DGKB: variants seen among roughly 807,000 people sequenced by gnomAD.
The protein encoded by DGKB is diacylglycerol kinase beta.
A neutral mutation model predicts 114.3 loss-of-function variants in DGKB; 67 were observed. That is an observed-to-expected ratio of 0.59 (90% CI 0.48 to 0.72). DGKB has a LOEUF of 0.72. Among genes scored for constraint, DGKB ranks in the 30% least tolerant of loss-of-function variants. DGKB has a pLI of 0.00. For synonymous variants in DGKB, 398 were observed against 323.1 expected, an observed-to-expected ratio of 1.23 and a Z score of -2.49; for missense variants, 907 against 975.2, an observed-to-expected ratio of 0.93 and a Z score of 0.93.
chr7:14,759,144 C>T (rs1030753781), intron 2 of DGKB, among the ~76,000 whole-genome samples: 1 of 152,104 alleles, frequency 6.6e-6, no homozygotes, highest in African/African-American at 2.4e-5. Context: ...AGGCTGGTGT[C>T]GAACCCCTGA....
chr7:14,784,522 C>T (rs570906690), intron 2 of DGKB, among the ~76,000 whole-genome samples: 48 of 151,940 alleles, frequency 3.2e-4, no homozygotes, highest in African/African-American at 1.1e-3. Flanking sequence ...TATAGGTGCA[C>T]ACCACCATGC....
intron 1 of DGKB, among the ~76,000 whole-genome samples, chr7:14,926,314 C>A (rs1230997425): frequency 6.6e-6 from 1 of 151,836 alleles, no homozygotes. Context: ...CATCTGTTGA[C>A]TTTCTTTTCT....
At chr7:14,581,265 G>T (rs1472289560) in intron 18 of DGKB, among the ~76,000 whole-genome samples, 1 of 152,094 alleles carries the variant, frequency 6.6e-6, no homozygotes, top group African/African-American at 2.4e-5. Context: ...AATCCTCAGG[G>T]ATATTATTAT....
At chr7:14,881,272 G>C (rs999699204) in intron 1 of DGKB, among the ~76,000 whole-genome samples, 3 of 152,104 alleles carry the variant, frequency 2.0e-5, no homozygotes, top group Admixed American at 6.6e-5. Context: ...TTGGCCATTA[G>C]AGTCACCTCT....
rs137935796 is a variant in DGKB at position 14,176,880 on chromosome 7, T to A, written c.2263A>T (p.Met755Leu). 1 of 1,613,778 alleles carries A rather than the reference T, an allele frequency of 6.2e-7. No individual in the cohort carries two copies. Among genetic ancestry groups the A allele is most frequent in the African/African-American group, 1.3e-5 (1 of 75,050 alleles). Residue 755 changes from methionine to leucine, a missense_variant, in exon 25 of 26, where the codon ATG becomes TTG. Met to Leu is a conservative substitution (Grantham distance 15). Transcript: ENST00000402815. ...ATCCATGGCTCCCCATCAATTTGCA[T>A]TGGCAGAGACTTGCTCGTCCTGGGG... The part of the protein sequence containing the change: ...VVIRTSKSLP[M>L]QIDGEPWMQT...
chr7:14,351,542 A>T (rs1813428853), intron 21 of DGKB, among the ~76,000 whole-genome samples: 1 of 152,196 alleles, frequency 6.6e-6, no homozygotes, highest in Non-Finnish European at 1.5e-5. Flanking sequence ...CTATGGCCAC[A>T]GGTATTTGTT....
intron 1 of DGKB, among the ~76,000 whole-genome samples, chr7:14,927,853 C>A (rs542359629): frequency 1.3e-5 from 2 of 151,848 alleles, no homozygotes; most frequent in East Asian, 3.9e-4. Flanking sequence ...TATTTATATG[C>A]AAAATCTGCT....
intron 6 of DGKB, among the ~76,000 whole-genome samples, chr7:14,714,729 T>C (rs1387722503): frequency 6.6e-6 from 1 of 152,114 alleles, no homozygotes; most frequent in Admixed American, 6.6e-5. Flanking sequence ...CCCAAAGAAT[T>C]ATATTTTTAT....
At chr7:14,922,512 A>T (rs186705722) in intron 1 of DGKB, among the ~76,000 whole-genome samples, 331 of 151,916 alleles carry the variant, frequency 2.2e-3, no homozygotes, top group Non-Finnish European at 3.5e-3. Flanking sequence ...GATGGTGGGT[A>T]TGGAGATTGA....
chr7:14,283,930 T>A (rs1031691404), intron 23 of DGKB, among the ~76,000 whole-genome samples: 13 of 151,934 alleles, frequency 8.6e-5, no homozygotes, highest in Non-Finnish European at 1.9e-4. Context: ...AACCTAGGCA[T>A]TACCATTCAG....
At chr7:14,676,329 T>C (rs1819850525) in intron 12 of DGKB, among the ~76,000 whole-genome samples, 1 of 152,064 alleles carries the variant, frequency 6.6e-6, no homozygotes, top group South Asian at 2.1e-4. Flanking sequence ...CTTTTTATAG[T>C]TTGAAAGAAT....
At chr7:14,678,346 G>C (rs1399187301) in intron 12 of DGKB, among the ~76,000 whole-genome samples, 4 of 152,038 alleles carry the variant, frequency 2.6e-5, no homozygotes, top group Non-Finnish European at 5.9e-5. Context: ...AAACTATTCA[G>C]AATCAAGATA....
chr7:14,748,046 T>C (rs1041741148), intron 4 of DGKB, among the ~76,000 whole-genome samples: 2 of 152,210 alleles, frequency 1.3e-5, no homozygotes, highest in Non-Finnish European at 1.5e-5. Flanking sequence ...TATTCATCCA[T>C]GCAGATTCAA....
At chr7:14,453,649 C>G (rs532355011) in intron 21 of DGKB, among the ~76,000 whole-genome samples, 79 of 152,270 alleles carry the variant, frequency 5.2e-4, no homozygotes, top group Middle Eastern at 3.4e-3. Flanking sequence ...AACACTTTCT[C>G]TCAGAGCTAC....
intron 2 of DGKB, among the ~76,000 whole-genome samples, chr7:14,780,275 G>A (rs1211629738): frequency 6.6e-6 from 1 of 152,166 alleles, no homozygotes; most frequent in African/African-American, 2.4e-5. Context: ...CTTTTGTGCA[G>A]GAAGGATATA....
chr7:14,831,200 G>A (rs1846367029), intron 2 of DGKB, among the ~76,000 whole-genome samples: 2 of 151,914 alleles, frequency 1.3e-5, no homozygotes, highest in African/African-American at 2.4e-5. Flanking sequence ...AGACTTCTGT[G>A]CACAAATCTG....
At chr7:14,241,637 G>A (rs1382649641) in intron 23 of DGKB, among the ~76,000 whole-genome samples, 3 of 151,922 alleles carry the variant, frequency 2.0e-5, no homozygotes, top group Non-Finnish European at 4.4e-5. Flanking sequence ...TTACCTGAAA[G>A]TAGGAAAGCA....
intron 23 of DGKB, chr7:14,192,005 C>A: frequency 1.9e-6 from 1 of 529,898 alleles, no homozygotes; most frequent in South Asian, 1.5e-5. Flanking sequence ...GTGTTGAGAG[C>A]TTTTCTGACT....
intron 23 of DGKB, among the ~76,000 whole-genome samples, chr7:14,313,297 G>T (rs140733792): frequency 1.3e-5 from 2 of 152,060 alleles, no homozygotes; most frequent in Non-Finnish European, 2.9e-5. Context: ...GAACAGCTCC[G>T]GTCTACAGCT....
Sources: gnomAD v4.1 joint callset for allele counts (sites outside exome capture counted in the v4.1 genomes callset) on GRCh38, gnomAD v4.1.1 for gene constraint, MANE v1.5 for transcripts, NCBI Gene and HGNC (gene_info 2026-07-23, HGNC 2026-07-21) for gene names.